The following NRXN3 variants were observed in gnomAD, a reference collection of about 807,000 sequenced individuals.
The protein encoded by NRXN3 is neurexin III.
A neutral mutation model predicts 137.6 loss-of-function variants in NRXN3; 32 were observed. The observed-to-expected ratio is 0.23, with a 90% CI of 0.18 to 0.31. The LOEUF (loss-of-function observed/expected upper bound fraction) is 0.31, where lower values mean the gene tolerates loss of function less well. NRXN3 is among the 10% of genes least tolerant of loss of function. The pLI is 1.00. For missense variants in NRXN3, 1,574 were observed against 2,062.5 expected (o/e 0.76, Z 4.59); for synonymous variants, 798 against 784.5 (o/e 1.02, Z -0.29).
intron 16 of NRXN3, among the ~76,000 whole-genome samples, chr14:79,624,254 T>C (rs1567697551): frequency 6.6e-6 from 1 of 152,212 alleles, no homozygotes; most frequent in Non-Finnish European, 1.5e-5. Flanking sequence ...AAATTGTTTC[T>C]TCTAAGCATA....
chr14:79,370,557 A>C (rs951736536), intron 15 of NRXN3, among the ~76,000 whole-genome samples: 1 of 151,942 alleles, frequency 6.6e-6, no homozygotes, highest in African/African-American at 2.4e-5. Flanking sequence ...ACCTCAGGTG[A>C]TCTGCCTGCC....
intron 1 of NRXN3, among the ~76,000 whole-genome samples, chr14:78,204,196 G>A (rs1324688758): frequency 6.6e-6 from 1 of 151,886 alleles, no homozygotes; most frequent in African/African-American, 2.4e-5. Flanking sequence ...ACATTTTCCA[G>A]CCCCTTTATA....
intron 15 of NRXN3, among the ~76,000 whole-genome samples, chr14:79,079,411 G>T (rs999612089): frequency 8.5e-5 from 13 of 152,056 alleles, no homozygotes; most frequent in African/African-American, 3.1e-4. Context: ...TGAAGAAAAA[G>T]ACATTTAGAC....
At chr14:79,108,224 T>G (rs1399984141) in intron 15 of NRXN3, among the ~76,000 whole-genome samples, 2 of 152,194 alleles carry the variant, frequency 1.3e-5, no homozygotes, top group Non-Finnish European at 2.9e-5. Flanking sequence ...AGGGTGATTT[T>G]TAGAAAATCC....
intron 16 of NRXN3, among the ~76,000 whole-genome samples, chr14:79,637,756 G>T (rs2098412847): frequency 1.5e-5 from 1 of 68,728 alleles, no homozygotes. Flanking sequence ...TTGAGATGGA[G>T]TCTTGCTCTA....
At chr14:78,402,917 A>G (rs542793166) in intron 4 of NRXN3, among the ~76,000 whole-genome samples, 7 of 152,206 alleles carry the variant, frequency 4.6e-5, no homozygotes, top group Non-Finnish European at 8.8e-5. Context: ...TTTACAAATG[A>G]TGCTCTCTCC....
chr14:79,286,460 C>T (rs1366992579), intron 15 of NRXN3, among the ~76,000 whole-genome samples: 3 of 150,506 alleles, frequency 2.0e-5, no homozygotes, highest in African/African-American at 7.3e-5. Flanking sequence ...GAAAGTTCAT[C>T]TGAAAATATA....
At chr14:79,040,879 GC>G (rs1385306756) in intron 15 of NRXN3, among the ~76,000 whole-genome samples, 1 of 152,044 alleles carries the variant, frequency 6.6e-6, no homozygotes, top group East Asian at 1.9e-4. Context: ...ATTTTTCATT[GC>G]AGGCATGTCT....
intron 15 of NRXN3, among the ~76,000 whole-genome samples, chr14:79,410,740 C>G (rs1384415906): frequency 6.6e-6 from 1 of 152,046 alleles, no homozygotes; most frequent in African/African-American, 2.4e-5. Flanking sequence ...GTTCAAGATG[C>G]TCATTAATTC....
rs1321121047 is a variant in NRXN3 at position 79,862,718 on chromosome 14, G to A, written c.*754G>A. ...GGTTATGGTGTCTCTAGAATCTGTT[G>A]TTTGTTTCCTATAAGATGCTTTGCT... On this transcript the variant is annotated 3_prime_UTR_variant, in exon 21 of 21. Coordinates refer to ENST00000335750, the MANE Select transcript of NRXN3 (RefSeq NM_001330195.2). 1 of 152,586 alleles carries A rather than the reference G, an allele frequency of 6.6e-6. No individual in the cohort carries two copies. Among genetic ancestry groups the A allele is most frequent in the African/African-American group, 2.4e-5 (1 of 41,440 alleles). The allele number at this position is 152,586 out of a possible 1,614,324, so 9.5% of individuals were successfully genotyped here. A position where few individuals can be genotyped will look rare whatever the true frequency, so the allele number is the denominator to read the frequency against.
At chr14:78,492,581 CAT>C in intron 4 of NRXN3, among the ~76,000 whole-genome samples, 1 of 152,224 alleles carries the variant, frequency 6.6e-6, no homozygotes, top group South Asian at 2.1e-4. Flanking sequence ...TCTAACATGA[CAT>C]ATAAATGGGT....
Position 78,697,180 on chromosome 14 carries a change from G to A in NRXN3, c.1222-12037G>A, listed in dbSNP as rs146850653. Among the ~76,000 whole-genome samples, 497 of 152,130 alleles carry A rather than the reference G, an allele frequency of 3.3e-3. 6 individuals are homozygous for A. The highest frequency in any genetic ancestry group is 0.011 in the African/African-American group (474 of 41,460). ...GAGAATCTGAATTTAGTCTGAGCTT[G>A]TGGTTTTATATGAAAACTTATTTGA... On this transcript the variant is annotated intron_variant, in intron 6 of 20. Transcript: ENST00000335750.
intron 15 of NRXN3, among the ~76,000 whole-genome samples, chr14:79,173,971 A>G (rs187676357): frequency 1.6e-4 from 24 of 152,348 alleles, no homozygotes; most frequent in Non-Finnish European, 2.6e-4. Context: ...CTAGTAAATT[A>G]TGGTTATATA....
At chr14:79,102,777 G>A (rs952047277) in intron 15 of NRXN3, among the ~76,000 whole-genome samples, 3 of 152,126 alleles carry the variant, frequency 2.0e-5, no homozygotes, top group African/African-American at 7.2e-5. Flanking sequence ...GACATCATAG[G>A]ACAAGGGAAT....
At chr14:79,552,417 C>G (rs1029027584) in intron 16 of NRXN3, among the ~76,000 whole-genome samples, 1 of 152,092 alleles carries the variant, frequency 6.6e-6, no homozygotes, top group Admixed American at 6.6e-5. Context: ...TATTTTATTT[C>G]TGTAAAGGAA....
chr14:79,273,365 T>C (rs974371978), intron 15 of NRXN3, among the ~76,000 whole-genome samples: 2 of 151,640 alleles, frequency 1.3e-5, no homozygotes, highest in African/African-American at 2.4e-5. Flanking sequence ...CCGGGCACGG[T>C]GGCTCACGCC....
chr14:78,344,022 G>A (rs995211520), intron 4 of NRXN3, among the ~76,000 whole-genome samples: 3 of 152,148 alleles, frequency 2.0e-5, no homozygotes, highest in African/African-American at 7.2e-5. Flanking sequence ...GGGTTGCAAC[G>A]TCTGCAGTGG....
At chr14:78,796,862 A>G (rs964567283) in intron 8 of NRXN3, among the ~76,000 whole-genome samples, 3 of 152,064 alleles carry the variant, frequency 2.0e-5, no homozygotes, top group Non-Finnish European at 4.4e-5. Context: ...CAAACTTAAA[A>G]ACAAAATCGT....
At chr14:78,441,651 GAT>G (rs1353907286) in intron 4 of NRXN3, among the ~76,000 whole-genome samples, 1 of 151,910 alleles carries the variant, frequency 6.6e-6, no homozygotes, top group Admixed American at 6.6e-5. Context: ...TCCCCCAAAA[GAT>G]ATGTTACATC....
Sources: gnomAD v4.1 joint callset for allele counts (sites outside exome capture counted in the v4.1 genomes callset) on GRCh38, gnomAD v4.1.1 for gene constraint, MANE v1.5 for transcripts, NCBI Gene and HGNC (gene_info 2026-07-23, HGNC 2026-07-21) for gene names.